Variants in HECW2 observed in about 807,000 individuals in gnomAD.
The protein encoded by HECW2 is HECT, C2 and WW domain containing E3 ubiquitin protein ligase 2, also known as E3 ubiquitin-protein ligase HECW2.
A neutral mutation model predicts 175.2 loss-of-function variants in HECW2; 61 were observed. The observed-to-expected ratio is 0.35, with a 90% CI of 0.28 to 0.43. HECW2 has a LOEUF of 0.43. Among genes scored for constraint, HECW2 ranks in the 20% least tolerant of loss-of-function variants. HECW2 has a pLI of 1.00. For missense variants in HECW2, 1,524 were observed against 2,000.5 expected (o/e 0.76, Z 4.54); for synonymous variants, 671 against 731.0 (o/e 0.92, Z 1.32).
chr2:196,207,091 A>G (rs1022001105), intron 28 of HECW2, among the ~76,000 whole-genome samples: 1 of 152,224 alleles, frequency 6.6e-6, no homozygotes, highest in African/African-American at 2.4e-5. Context: ...ACAGGAGGCA[A>G]GGTTGGACCT....
intron 2 of HECW2, chr2:196,361,704 T>C (rs1209071015): frequency 4.1e-6 from 3 of 730,608 alleles, no homozygotes; most frequent in Non-Finnish European, 1.7e-6. Flanking sequence ...GGACCACTTT[T>C]AAGAGCTTTT....
intron 1 of HECW2, among the ~76,000 whole-genome samples, chr2:196,592,310 G>A (rs1195997129): frequency 6.6e-6 from 1 of 152,136 alleles, no homozygotes; most frequent in Non-Finnish European, 1.5e-5. Context: ...TTGAACCCTT[G>A]TAACTCTAAT....
At chr2:196,365,397 C>T (rs1262580889) in intron 2 of HECW2, among the ~76,000 whole-genome samples, 2 of 152,302 alleles carry the variant, frequency 1.3e-5, no homozygotes, top group Admixed American at 6.5e-5. Flanking sequence ...TTGTGTTTTG[C>T]ATTTTGCATG....
intron 1 of HECW2, among the ~76,000 whole-genome samples, chr2:196,480,491 G>A (rs191957968): frequency 4.7e-4 from 71 of 152,306 alleles, no homozygotes; most frequent in African/African-American, 1.4e-3. Context: ...AGGACAGGTA[G>A]CATATTCCAT....
At chr2:196,441,364 T>C (rs1046092884) in intron 1 of HECW2, among the ~76,000 whole-genome samples, 6 of 69,460 alleles carry the variant, frequency 8.6e-5, no homozygotes, top group Admixed American at 4.0e-4. Context: ...AGACACAACA[T>C]ACAACACACA....
At chr2:196,337,189 T>C (rs896549983) in intron 3 of HECW2, among the ~76,000 whole-genome samples, 15 of 152,176 alleles carry the variant, frequency 9.9e-5, no homozygotes, top group Non-Finnish European at 1.9e-4. Flanking sequence ...TTAATATATT[T>C]GAATATTTTG....
At chr2:196,427,353 T>C (rs1021123211) in intron 2 of HECW2, among the ~76,000 whole-genome samples, 1 of 152,164 alleles carries the variant, frequency 6.6e-6, no homozygotes, top group African/African-American at 2.4e-5. Flanking sequence ...TTCGTAGTTC[T>C]GTTAAGTACC....
At chr2:196,293,050 T>C (rs916800977) in intron 13 of HECW2, among the ~76,000 whole-genome samples, 8 of 152,180 alleles carry the variant, frequency 5.3e-5, no homozygotes, top group Non-Finnish European at 8.8e-5. Flanking sequence ...GTTTGTTAAA[T>C]AGGTAAACGT....
In HECW2 at chr2:196,278,759, A is replaced by C. The variant is rs889002130; in HGVS notation, c.3001-97T>G. On this transcript the variant is annotated intron_variant, in intron 14 of 28. Transcript: ENST00000644978. ...AGGAAAAGACTCACTTCTGAGTCACAATCTTAGCTCTATTTTCTCATAATT... is the reference window on the plus strand; with the variant it reads ...AGGAAAAGACTCACTTCTGAGTCACCATCTTAGCTCTATTTTCTCATAATT... The C allele has an allele frequency of 2.3e-6, 3 of 1,317,554 alleles. No individual in the cohort carries two copies. In the African/African-American group the frequency reaches 4.4e-5, roughly 19 times the overall value. 81.6% of individuals were successfully genotyped at this position (1,317,554 alleles called of 1,614,324 possible). A position where few individuals can be genotyped will look rare whatever the true frequency, so the allele number is the denominator to read the frequency against.
At position 196,269,026 on chromosome 2, in the gene HECW2, C is replaced by T. The variant is rs376789639; in HGVS notation, c.3335+2167G>A. Among the ~76,000 whole-genome samples, 34 of 152,278 alleles carry T rather than the reference C, an allele frequency of 2.2e-4. No individual in the cohort carries two copies. The South Asian group carries it at 6.2e-3, about 28-fold the overall frequency. On this transcript the variant is annotated intron_variant, in intron 17 of 28. Transcript: ENST00000644978. Reference sequence around the variant, plus strand: ...ATAATTTTTCCGTGGTTAAGAACAGCATGCTTATGTTGGGGAAGGCACTAA... The same window carrying T: ...ATAATTTTTCCGTGGTTAAGAACAGTATGCTTATGTTGGGGAAGGCACTAA...
rs1695988849 is a variant in HECW2 at position 196,439,861 on chromosome 2, G to C, written c.-35-6403C>G. Among the ~76,000 whole-genome samples the C allele has an allele frequency of 2.6e-5, 4 of 152,164 alleles. No individual in the cohort carries two copies. The South Asian group carries it at 8.3e-4, about 32-fold the overall frequency. ...GGGGAAACCAGTGAGAAACTGATCA[G>C]TCAAGGAACCCAGCGCTGTTGGCAG... On this transcript the variant is annotated intron_variant, in intron 1 of 28. Coordinates refer to ENST00000644978, the MANE Select transcript of HECW2 (RefSeq NM_001348768.2).
intron 2 of HECW2, among the ~76,000 whole-genome samples, chr2:196,399,793 T>C (rs981715937): frequency 6.6e-6 from 1 of 152,210 alleles, no homozygotes; most frequent in Non-Finnish European, 1.5e-5. Context: ...TACTTCAAAT[T>C]ATAAGCAAGT....
At chr2:196,477,923 G>A (rs929425805) in intron 1 of HECW2, among the ~76,000 whole-genome samples, 8 of 152,120 alleles carry the variant, frequency 5.3e-5, no homozygotes, top group East Asian at 1.9e-4. Flanking sequence ...ATGGTGGCAC[G>A]TGCCTGTAAT....
chr2:196,445,767 T>C (rs1696164728), intron 1 of HECW2, among the ~76,000 whole-genome samples: 1 of 152,152 alleles, frequency 6.6e-6, no homozygotes, highest in Admixed American at 6.5e-5. Flanking sequence ...CCATGAAACA[T>C]GGCATGCATT....
chr2:196,278,133 A>AAAAAAAAATATAT (rs531920307), intron 15 of HECW2, among the ~76,000 whole-genome samples: 1,034 of 66,580 alleles, frequency 0.016, 88 homozygotes, highest in Admixed American at 0.023. Flanking sequence ...ATAATTAAAA[A>AAAAAAAAATATAT]ATATATATAT....
intron 16 of HECW2, among the ~76,000 whole-genome samples, chr2:196,273,171 G>A (rs1352202840): frequency 1.3e-5 from 2 of 149,742 alleles, no homozygotes; most frequent in East Asian, 3.9e-4. Context: ...AGGTTCAAGT[G>A]ATTCTCCTGT....
intron 1 of HECW2, among the ~76,000 whole-genome samples, chr2:196,573,357 A>G (rs12105821): frequency 0.053 from 8,061 of 152,112 alleles, 695 homozygotes; most frequent in African/African-American, 0.18. Context: ...CTAAGTCTCA[A>G]TAAGGACAGT....
intron 1 of HECW2, among the ~76,000 whole-genome samples, chr2:196,558,663 T>G (rs1017673675): frequency 1.3e-5 from 2 of 152,246 alleles, no homozygotes; most frequent in Admixed American, 1.3e-4. Context: ...AATGGAATAT[T>G]CTCAGCTTTC....
intron 28 of HECW2, among the ~76,000 whole-genome samples, chr2:196,203,287 T>A (rs1227613904): frequency 6.6e-6 from 1 of 152,144 alleles, no homozygotes; most frequent in Non-Finnish European, 1.5e-5. Flanking sequence ...GCATTTGATA[T>A]CCTTAGACTG....
Sources: allele counts gnomAD v4.1 joint callset (sites outside exome capture counted in the v4.1 genomes callset), GRCh38; gene constraint gnomAD v4.1.1; transcripts MANE v1.5; gene names NCBI Gene and HGNC (gene_info 2026-07-23, HGNC 2026-07-21).